GPCPD1: variants seen among roughly 807,000 people sequenced by gnomAD.
GPCPD1 encodes glycerophosphocholine phosphodiesterase GPCPD1.
Under a neutral mutation model 89.2 loss-of-function variants are expected in GPCPD1, and 29 were observed. The observed-to-expected ratio is 0.33, with a 90% CI of 0.24 to 0.44. GPCPD1 has a LOEUF of 0.44. Among genes scored for constraint, GPCPD1 ranks in the 20% least tolerant of loss-of-function variants. GPCPD1 has a pLI of 1.00. For missense variants in GPCPD1, 594 were observed against 808.9 expected (o/e 0.73, Z 3.22); for synonymous variants, 258 against 266.3 (o/e 0.97, Z 0.30).
chr20:5,551,508 GACA>G (rs1184704544), intron 19 of GPCPD1, among the ~76,000 whole-genome samples: 1 of 152,170 alleles, frequency 6.6e-6, no homozygotes, highest in African/African-American at 2.4e-5. Flanking sequence ...TTGTGGTAAA[GACA>G]ACAATGGAAT....
chr20:5,592,869 G>A (rs1390009783), intron 4 of GPCPD1, among the ~76,000 whole-genome samples: 1 of 151,994 alleles, frequency 6.6e-6, no homozygotes, highest in African/African-American at 2.4e-5. Context: ...AATCTAAAAG[G>A]AATCAATTAA....
In GPCPD1 at chr20:5,547,827, T is replaced by A; in HGVS notation, c.1853A>T (p.Gln618Leu). ...TTGCTCCACTTGGAATATATTTGGTTGTTCAGGCATCCAATCATATATCCT... is the reference window on the plus strand; with the variant it reads ...TTGCTCCACTTGGAATATATTTGGTAGTTCAGGCATCCAATCATATATCCT... ...YDRIYDWMPE[Q>L]PNIFQVEQLE... The change falls in exon 20 of 20, where the codon CAA becomes CTA. Residue 618 changes from glutamine (Q) to leucine (L), a missense_variant. Transcript: ENST00000379019. The A allele has an allele frequency of 6.2e-7, 1 of 1,601,150 alleles. No homozygotes were observed. Among genetic ancestry groups the A allele is most frequent in the Non-Finnish European group, 8.5e-7 (1 of 1,170,202 alleles).
chr20:5,580,255 A>G (rs2122689050), intron 6 of GPCPD1, 124 bp from the exon 7 acceptor site: 1 of 540,788 alleles, frequency 1.8e-6, no homozygotes, highest in East Asian at 3.2e-5. Context: ...TCCAAAGGAA[A>G]TACATTTTTT....
At chr20:5,586,307 A>G (rs377212677) in intron 4 of GPCPD1, 38 bp from the exon 5 acceptor site, 2 of 1,169,736 alleles carry the variant, frequency 1.7e-6, no homozygotes, top group South Asian at 1.2e-5. Context: ...ATAATTTCTT[A>G]TATCTTATTT....
At chr20:5,605,162 G>C (rs1407109777) in intron 1 of GPCPD1, among the ~76,000 whole-genome samples, 1 of 152,098 alleles carries the variant, frequency 6.6e-6, no homozygotes, top group Non-Finnish European at 1.5e-5. Context: ...AACAAAACAA[G>C]ACAGAATACA....
Position 5,558,671 on chromosome 20 carries a change from A to C in GPCPD1, c.1668+13T>G, listed in dbSNP as rs771983238. 8.7e-6 allele frequency: 13 copies of C among 1,495,640 alleles called. No individual in the cohort carries two copies. The highest frequency in any genetic ancestry group is 1.2e-5 in the Non-Finnish European group (13 of 1,098,090). The allele number at this position is 1,495,640 out of a possible 1,614,324, so 92.6% of individuals were successfully genotyped here. ...CAGAACATTAAAAAGATAAAAATTC[A>C]AACATAACTTACCAGTAGATTTTCA... On this transcript the variant is annotated intron_variant, in intron 18 of 19. Coordinates refer to ENST00000379019, the MANE Select transcript of GPCPD1 (RefSeq NM_019593.5).
chr20:5,570,298 T>G, intron 11 of GPCPD1, 59 bp from the exon 12 acceptor site: 1 of 815,176 alleles, frequency 1.2e-6, no homozygotes, highest in Non-Finnish European at 2.1e-6. Context: ...CCTCTCAAAC[T>G]GCAAGAACGT....
chr20:5,582,158 C>T (rs1978560158), intron 6 of GPCPD1, among the ~76,000 whole-genome samples: 1 of 123,792 alleles, frequency 8.1e-6, no homozygotes, highest in Non-Finnish European at 1.6e-5. Flanking sequence ...TGCACTCCAG[C>T]CTGGGCGACA....
At position 5,552,421 on chromosome 20, in the gene GPCPD1, T is replaced by C. The variant is rs1059252; in HGVS notation, c.1830-4571A>G. Among the ~76,000 whole-genome samples, 601 of 152,354 alleles carry C rather than the reference T, an allele frequency of 3.9e-3. 3 individuals are homozygous for C. The highest frequency in any genetic ancestry group is 0.014 in the African/African-American group (591 of 41,574). On this transcript the variant is annotated intron_variant, in intron 19 of 19. Coordinates refer to ENST00000379019, the MANE Select transcript of GPCPD1 (RefSeq NM_019593.5). The stretch of plus-strand genomic sequence containing the variant: ...ACTTTCTTGAGCACCTGTTATATCA[T>C]GTATCTTCCTGTTCTCCATTAAATG...
At chr20:5,603,908 G>A (rs528202583) in intron 2 of GPCPD1, among the ~76,000 whole-genome samples, 52 of 151,960 alleles carry the variant, frequency 3.4e-4, no homozygotes, top group African/African-American at 1.0e-3. Flanking sequence ...CACCATATCC[G>A]GCTAATTTTT....
At chr20:5,573,510 A>G (rs1986837400) in intron 11 of GPCPD1, among the ~76,000 whole-genome samples, 2 of 152,236 alleles carry the variant, frequency 1.3e-5, no homozygotes, top group Admixed American at 1.3e-4. Context: ...AAATGCCTTT[A>G]GAAAGATTTG....
chr20:5,607,202 A>C (rs986538343), intron 1 of GPCPD1, among the ~76,000 whole-genome samples: 1 of 152,294 alleles, frequency 6.6e-6, no homozygotes, highest in Middle Eastern at 3.4e-3. Context: ...CGGGAGAATC[A>C]CTTGAACCTG....
rs1373395969 is a variant in GPCPD1, at chr20:5,580,075, G to A, written c.406C>T (p.Arg136Cys). The change falls in exon 7 of 20, where the codon CGT becomes TGT. Residue 136 changes from arginine (R) to cysteine (C), a missense_variant. By Grantham distance (180) the Arg-to-Cys change is radical (BLOSUM62 -3). Coordinates refer to ENST00000379019, the MANE Select transcript of GPCPD1 (RefSeq NM_019593.5). ...WLTCQTEIRL[R>C]LHYSEKPPVS... ...GGAGGTTTTTCAGAATAATGCAAAC[G>A]TAATCTTATTTCAGTCTGACATGTC... The A allele has an allele frequency of 3.4e-6, 5 of 1,491,952 alleles. No homozygotes were observed. The highest frequency in any genetic ancestry group is 3.7e-6 in the Non-Finnish European group (4 of 1,069,542). 92.4% of individuals were successfully genotyped at this position (1,491,952 alleles called of 1,614,324 possible). A position where few individuals can be genotyped will look rare whatever the true frequency, so the allele number is the denominator to read the frequency against.
chr20:5,560,109 G>A, intron 16 of GPCPD1, 33 bp from the exon 17 acceptor site: 3 of 1,474,076 alleles, frequency 2.0e-6, no homozygotes, highest in Non-Finnish European at 2.7e-6. Context: ...AAAAGTCACT[G>A]CACATCCTAA....
chr20:5,573,332 C>T (rs1986825396), intron 11 of GPCPD1, among the ~76,000 whole-genome samples: 1 of 152,144 alleles, frequency 6.6e-6, no homozygotes, highest in Non-Finnish European at 1.5e-5. Context: ...GTGATCTGCC[C>T]ATCTCGGCCT....
chr20:5,604,373 G>C lies in GPCPD1; in HGVS notation c.40C>G (p.Leu14Val), dbSNP rs1980396719. 2.0e-6 allele frequency: 3 copies of C among 1,484,744 alleles called. No homozygotes were observed. The highest frequency in any genetic ancestry group is 2.8e-5 in the African/African-American group (2 of 72,122). The allele number at this position is 1,484,744 out of a possible 1,614,324, so 92.0% of individuals were successfully genotyped here. Residue 14 changes from leucine to valine, a missense_variant, in exon 2 of 20, where the codon CTT becomes GTT. Leu to Val is a conservative substitution (Grantham distance 32, BLOSUM62 1). Coordinates refer to ENST00000379019, the MANE Select transcript of GPCPD1 (RefSeq NM_019593.5). ...AAAACTTTTACAATACCTGGTAAAA[G>C]AGTTCCTCTTATTTCAAAGGCAACC... ...SQVAFEIRGTLLPGEVFAICG... is the reference protein window; with the variant it reads ...SQVAFEIRGTVLPGEVFAICG...
chr20:5,547,884 C>T lies in GPCPD1; in HGVS notation c.1830-34G>A, dbSNP rs183844941. The T allele has an allele frequency of 4.1e-6, 5 of 1,229,038 alleles. No homozygotes were observed. The African/African-American group carries it at 7.4e-5, about 18-fold the overall frequency. The allele number at this position is 1,229,038 out of a possible 1,614,324, so 76.1% of individuals were successfully genotyped here. Reference sequence around the variant, plus strand: ...AAACAAATACAAAACACATAAAATACTGTAATTTTATGGTTTACCTAAGAC... The same window carrying T: ...AAACAAATACAAAACACATAAAATATTGTAATTTTATGGTTTACCTAAGAC... On this transcript the variant is annotated intron_variant, in intron 19 of 19. Transcript: ENST00000379019.
At chr20:5,571,257 C>T (rs927674215) in intron 11 of GPCPD1, among the ~76,000 whole-genome samples, 2 of 152,182 alleles carry the variant, frequency 1.3e-5, no homozygotes, top group Non-Finnish European at 2.9e-5. Flanking sequence ...TTATTTTAAA[C>T]AAGACAATAC....
chr20:5,588,532 A>G (rs890624818), intron 4 of GPCPD1, among the ~76,000 whole-genome samples: 7 of 149,116 alleles, frequency 4.7e-5, no homozygotes, highest in South Asian at 4.2e-4. Context: ...ACATACATAA[A>G]AATAGAAACA....
Sources: gnomAD v4.1 joint callset for allele counts (sites outside exome capture counted in the v4.1 genomes callset) on GRCh38, gnomAD v4.1.1 for gene constraint, MANE v1.5 for transcripts, NCBI Gene and HGNC (gene_info 2026-07-23, HGNC 2026-07-21) for gene names.